RBFOX1: variants seen among roughly 807,000 people sequenced by gnomAD.
The protein encoded by RBFOX1 is RNA binding fox-1 homolog 1, also known as RNA binding protein fox-1 homolog 1.
In RBFOX1, 8 loss-of-function variants were observed where a neutral mutation model predicts 57.7. The observed-to-expected ratio is 0.14, with a 90% CI of 0.08 to 0.25. The LOEUF is 0.25. Among genes scored for constraint, RBFOX1 ranks in the 10% least tolerant of loss-of-function variants. The pLI, the probability that RBFOX1 is intolerant of heterozygous loss-of-function variation, is 1.00. For missense variants in RBFOX1, 611 were observed against 548.5 expected, an observed-to-expected ratio of 1.11 and a Z score of -1.14; for synonymous variants, 326 against 222.4, an observed-to-expected ratio of 1.47 and a Z score of -4.15.
At chr16:5,749,803 G>A (rs1012132647) in intron 3 of RBFOX1, among the ~76,000 whole-genome samples, 4 of 152,130 alleles carry the variant, frequency 2.6e-5, no homozygotes, top group Non-Finnish European at 5.9e-5. Context: ...TCTTTGCGAT[G>A]GGTTCGAACT....
chr16:7,131,210 G>A (rs1350410989), intron 4 of RBFOX1, among the ~76,000 whole-genome samples: 1 of 151,930 alleles, frequency 6.6e-6, no homozygotes, highest in Non-Finnish European at 1.5e-5. Context: ...GCCAGGTGTG[G>A]TATCGCACAC....
At chr16:6,949,640 C>G (rs971301400) in intron 3 of RBFOX1, among the ~76,000 whole-genome samples, 2 of 152,156 alleles carry the variant, frequency 1.3e-5, no homozygotes, top group African/African-American at 4.8e-5. Flanking sequence ...AAATGGCAGT[C>G]AAATTGGATT....
intron 4 of RBFOX1, among the ~76,000 whole-genome samples, chr16:7,449,435 G>T (rs1386149531): frequency 6.6e-6 from 1 of 152,134 alleles, no homozygotes; most frequent in African/African-American, 2.4e-5. Context: ...AAGAGGTTTG[G>T]CAGGAGTGAG....
intron 2 of RBFOX1, among the ~76,000 whole-genome samples, chr16:6,589,092 C>T (rs1015126064): frequency 1.2e-4 from 12 of 96,802 alleles, no homozygotes; most frequent in Non-Finnish European, 2.4e-4. Context: ...TTTATCATTC[C>T]ATCTATATTA....
Position 5,291,261 on chromosome 16 carries a change from G to GTTT in RBFOX1, c.219+51173_219+51175dup, listed in dbSNP as rs71142610. 9.9e-3 allele frequency among the ~76,000 whole-genome samples: 1,173 copies of GTTT among 118,786 alleles called. 53 individuals are homozygous for GTTT. The highest frequency in any genetic ancestry group is 0.036 in the African/African-American group (1,089 of 30,394). The allele number at this position is 118,786 out of a possible 152,430, so 77.9% of individuals were successfully genotyped here. Reference sequence around the variant, plus strand: ...CAGTAAAGGTGACCTTTTATCATTGGTTTTTTTTTTTTTTTTTTTGAGACG... The same window carrying GTTT: ...CAGTAAAGGTGACCTTTTATCATTGGTTTTTTTTTTTTTTTTTTTTTTGAGACG... On this transcript the variant is annotated intron_variant, in intron 1 of 2. Coordinates refer to the RBFOX1 transcript ENST00000585867.
chr16:6,949,777 A>G (rs1184072708), intron 3 of RBFOX1, among the ~76,000 whole-genome samples: 3 of 150,788 alleles, frequency 2.0e-5, no homozygotes, highest in African/African-American at 7.3e-5. Flanking sequence ...CGGTTCTGGG[A>G]ATTGTTCATT....
At chr16:7,575,357 A>G (rs2093228511) in intron 5 of RBFOX1, among the ~76,000 whole-genome samples, 1 of 151,038 alleles carries the variant, frequency 6.6e-6, no homozygotes, top group African/African-American at 2.4e-5. Context: ...CTGGTCTTGA[A>G]CTCCTTACCT....
intron 4 of RBFOX1, among the ~76,000 whole-genome samples, chr16:7,224,591 T>G: frequency 6.6e-6 from 1 of 152,120 alleles, no homozygotes; most frequent in East Asian, 1.9e-4. Flanking sequence ...AGATTTTCAG[T>G]TGGGCGTGTA....
chr16:6,857,419 A>T (rs1040682605), intron 3 of RBFOX1, among the ~76,000 whole-genome samples: 1 of 150,410 alleles, frequency 6.6e-6, no homozygotes, highest in African/African-American at 2.5e-5. Flanking sequence ...GTCAAATCCC[A>T]TGTACGCCAG....
chr16:5,455,983 G>C (rs1192784179), intron 1 of RBFOX1, among the ~76,000 whole-genome samples: 1 of 151,986 alleles, frequency 6.6e-6, no homozygotes, highest in Non-Finnish European at 1.5e-5. Flanking sequence ...CATGATTTTT[G>C]TTGAGTTTCA....
At chr16:7,527,985 G>C (rs1395578) in intron 5 of RBFOX1, among the ~76,000 whole-genome samples, 8,403 of 152,304 alleles carry the variant, frequency 0.055, 317 homozygotes, top group South Asian at 0.13. Context: ...ATAGACAAAT[G>C]GTTTTCAATC....
chr16:5,534,537 A>G (rs2044619459), intron 2 of RBFOX1, among the ~76,000 whole-genome samples: 1 of 152,124 alleles, frequency 6.6e-6, no homozygotes, highest in South Asian at 2.1e-4. Flanking sequence ...GGAGTATCTG[A>G]TGTGGAAGGG....
intron 4 of RBFOX1, among the ~76,000 whole-genome samples, chr16:7,292,290 TATATG>T (rs2095801901): frequency 7.7e-6 from 1 of 129,770 alleles, no homozygotes; most frequent in African/African-American, 2.9e-5. Flanking sequence ...TCATATATCA[TATATG>T]ATATATGATA....
intron 1 of RBFOX1, among the ~76,000 whole-genome samples, chr16:6,236,210 G>A (rs1257113945): frequency 6.6e-5 from 10 of 152,114 alleles, no homozygotes; most frequent in Non-Finnish European, 8.8e-5. Context: ...GTTGTTGAAA[G>A]AGCAAGCTCT....
intron 1 of RBFOX1, among the ~76,000 whole-genome samples, chr16:5,322,892 T>G (rs180792775): frequency 6.6e-6 from 1 of 152,214 alleles, no homozygotes; most frequent in Non-Finnish European, 1.5e-5. Context: ...TTCAGTGGTT[T>G]CTCTTCCGGC....
chr16:5,884,625 G>A (rs973110147), intron 4 of RBFOX1, among the ~76,000 whole-genome samples: 2 of 152,116 alleles, frequency 1.3e-5, no homozygotes, highest in Non-Finnish European at 2.9e-5. Flanking sequence ...CCCGTGGATT[G>A]CTCATCCCCA....
chr16:6,087,646 T>A (rs2096107873), intron 1 of RBFOX1, among the ~76,000 whole-genome samples: 1 of 151,890 alleles, frequency 6.6e-6, no homozygotes, highest in South Asian at 2.1e-4. Context: ...CTTGGCTGGA[T>A]ATTTATCTTA....
chr16:7,375,368 G>A (rs973124837), intron 4 of RBFOX1, among the ~76,000 whole-genome samples: 5 of 152,012 alleles, frequency 3.3e-5, no homozygotes, highest in Admixed American at 3.3e-4. Context: ...AACTACTTAG[G>A]GTAAATTAAA....
intron 4 of RBFOX1, among the ~76,000 whole-genome samples, chr16:5,943,780 T>G (rs2059329840): frequency 6.6e-6 from 1 of 152,080 alleles, no homozygotes; most frequent in Admixed American, 6.6e-5. Context: ...ACCATTCACA[T>G]TCACCCATTA....
Sources: allele counts gnomAD v4.1 joint callset (sites outside exome capture counted in the v4.1 genomes callset), GRCh38; gene constraint gnomAD v4.1.1; transcripts MANE v1.5; gene names NCBI Gene and HGNC (gene_info 2026-07-23, HGNC 2026-07-21).